SMYD3: variants seen among roughly 807,000 people sequenced by gnomAD.
SMYD3 encodes the protein histone-lysine N-methyltransferase SMYD3.
Under a neutral mutation model 57.7 loss-of-function variants are expected in SMYD3, and 36 were observed. The observed-to-expected ratio is 0.62, with a 90% CI of 0.48 to 0.82. SMYD3 has a LOEUF of 0.82. Among genes scored for constraint, SMYD3 ranks in the 40% least tolerant of loss-of-function variants. The pLI is 0.00. For missense variants in SMYD3, 515 were observed against 538.8 expected (o/e 0.96, Z 0.44); for synonymous variants, 211 against 195.0 (o/e 1.08, Z -0.68).
At chr1:246,377,169 AAT>A (rs1491396834) in intron 1 of SMYD3, among the ~76,000 whole-genome samples, 50 of 107,522 alleles carry the variant, frequency 4.7e-4, no homozygotes, top group Non-Finnish European at 9.1e-4. Context: ...TTTAATAAAA[AAT>A]AACTAAATTT....
intron 5 of SMYD3, among the ~76,000 whole-genome samples, chr1:246,118,906 A>T (rs1028283790): frequency 7.1e-6 from 1 of 140,368 alleles, no homozygotes; most frequent in African/African-American, 2.5e-5. Context: ...CAGGACCTTA[A>T]GGATGAAAGT....
At chr1:246,301,027 G>A (rs1172086025) in intron 5 of SMYD3, among the ~76,000 whole-genome samples, 1 of 152,108 alleles carries the variant, frequency 6.6e-6, no homozygotes, top group African/African-American at 2.4e-5. Context: ...GCTTTGTAGA[G>A]ATAGAAGTCG....
At chr1:245,943,172 C>CA (rs61600738) in intron 5 of SMYD3, among the ~76,000 whole-genome samples, 59,794 of 108,820 alleles carry the variant, frequency 0.55, 19,823 homozygotes, top group Non-Finnish European at 0.74. Flanking sequence ...ACACACTTTC[C>CA]AAAAAAAAAA....
At chr1:246,150,476 C>T (rs546053022) in intron 5 of SMYD3, among the ~76,000 whole-genome samples, 30 of 152,304 alleles carry the variant, frequency 2.0e-4, no homozygotes, top group Middle Eastern at 3.4e-3. Flanking sequence ...ATTCTGTAAT[C>T]AGGCCTAGTA....
intron 10 of SMYD3, among the ~76,000 whole-genome samples, chr1:245,844,926 A>C (rs1424878506): frequency 1.3e-5 from 2 of 152,190 alleles, no homozygotes; most frequent in Non-Finnish European, 2.9e-5. Flanking sequence ...AATTAATGTT[A>C]TTGGAAAAAC....
chr1:245,957,407 T>A lies in SMYD3; in HGVS notation c.532-27470A>T, dbSNP rs546041863. On this transcript the variant is annotated intron_variant, in intron 5 of 11. Coordinates refer to ENST00000490107, the MANE Select transcript of SMYD3 (RefSeq NM_001167740.2). ...TACTACACTCACTTCCACTGTAACA[T>A]TTCTTTCTCCTCTCTTAGAAAAGAT... is the stretch of plus-strand genomic sequence containing the variant. Among the ~76,000 whole-genome samples, 11 of 152,330 alleles carry A rather than the reference T, an allele frequency of 7.2e-5. No individual in the cohort carries two copies. In the South Asian group the frequency reaches 2.3e-3, roughly 32 times the overall value.
At chr1:246,037,000 AT>A (rs2059787917) in intron 5 of SMYD3, among the ~76,000 whole-genome samples, 1 of 152,172 alleles carries the variant, frequency 6.6e-6, no homozygotes, top group Admixed American at 6.5e-5. Flanking sequence ...GCTTCAGAGA[AT>A]TCCCTTGAAT....
chr1:245,923,572 G>T (rs2056146326), intron 7 of SMYD3, among the ~76,000 whole-genome samples: 1 of 152,070 alleles, frequency 6.6e-6, no homozygotes, highest in Admixed American at 6.6e-5. Flanking sequence ...TCACCATTCT[G>T]TCCCTGGCCT....
intron 10 of SMYD3, among the ~76,000 whole-genome samples, chr1:245,810,480 G>C (rs558684530): frequency 1.3e-5 from 2 of 152,300 alleles, no homozygotes; most frequent in African/African-American, 4.8e-5. Context: ...ACTGTGGTCT[G>C]TGAGTAGTCA....
At chr1:246,261,028 A>G (rs1304269116) in intron 5 of SMYD3, among the ~76,000 whole-genome samples, 3 of 149,088 alleles carry the variant, frequency 2.0e-5, no homozygotes, top group Non-Finnish European at 1.5e-5. Context: ...GCTGGAAGTC[A>G]TCTCTTTCTG....
rs137998075 is a variant in SMYD3, at chr1:245,902,193, C to T, written c.813+13337G>A. Among the ~76,000 whole-genome samples, 709 of 152,298 alleles carry T rather than the reference C, an allele frequency of 4.7e-3. 1 individual carries two copies. The highest frequency in any genetic ancestry group is 8.3e-3 in the Admixed American group (127 of 15,304). ...GTGGTACAGCCAGATATCCAGTACT[C>T]TAGCCCACACTGTGTCCTATACCCT... On this transcript the variant is annotated intron_variant, in intron 8 of 11. Transcript: ENST00000490107.
chr1:246,418,596 G>T (rs2067097642), intron 1 of SMYD3, among the ~76,000 whole-genome samples: 1 of 152,218 alleles, frequency 6.6e-6, no homozygotes, highest in Non-Finnish European at 1.5e-5. Context: ...TGAACTGGAA[G>T]AATCAGATCA....
At chr1:246,045,532 G>C (rs78158665) in intron 5 of SMYD3, among the ~76,000 whole-genome samples, 9,935 of 151,960 alleles carry the variant, frequency 0.065, 368 homozygotes, top group African/African-American at 0.08. Context: ...AAAAACCCTA[G>C]AAGAAAACCC....
chr1:246,444,570 AT>A (rs1295131309), intron 1 of SMYD3, among the ~76,000 whole-genome samples: 1 of 152,240 alleles, frequency 6.6e-6, no homozygotes, highest in African/African-American at 2.4e-5. Flanking sequence ...CAATTTGTGA[AT>A]GGAGAGGTAG....
rs557675093 is a variant in SMYD3, at chr1:246,114,488, C to T, written c.532-184551G>A. ...TCCTGTTCCCAAATACCTTGCTCTG[C>T]ATATACCCCAGCAGCACAATCCTCT... On this transcript the variant is annotated intron_variant, in intron 5 of 11. Coordinates refer to ENST00000490107, the MANE Select transcript of SMYD3 (RefSeq NM_001167740.2). Among the ~76,000 whole-genome samples, 4 of 152,318 alleles carry T rather than the reference C, an allele frequency of 2.6e-5. No homozygotes were observed. The East Asian group carries it at 5.8e-4, about 22-fold the overall frequency.
chr1:245,861,481 CACTT>C (rs1181928605), intron 9 of SMYD3, among the ~76,000 whole-genome samples: 2 of 152,188 alleles, frequency 1.3e-5, no homozygotes, highest in East Asian at 1.9e-4. Flanking sequence ...AGCTTTTATT[CACTT>C]AATCATATTA....
chr1:245,829,655 A>G (rs1374694607), intron 10 of SMYD3, among the ~76,000 whole-genome samples: 1 of 152,200 alleles, frequency 6.6e-6, no homozygotes, highest in Non-Finnish European at 1.5e-5. Context: ...ACTTGAAAAA[A>G]ATTAAAATAT....
At chr1:245,960,982 A>C (rs372902312) in intron 5 of SMYD3, among the ~76,000 whole-genome samples, 1 of 152,320 alleles carries the variant, frequency 6.6e-6, no homozygotes, top group African/African-American at 2.4e-5. Flanking sequence ...AAATGGCAAC[A>C]TTTAAAAAAA....
chr1:246,361,962 A>ACCTATTTTT (rs2065995048), intron 1 of SMYD3, among the ~76,000 whole-genome samples: 3 of 152,212 alleles, frequency 2.0e-5, no homozygotes, highest in Admixed American at 2.0e-4. Flanking sequence ...AAGAAAAAGA[A>ACCTATTTTT]TCTCAGAGAA....
Sources: gnomAD v4.1 joint callset for allele counts (sites outside exome capture counted in the v4.1 genomes callset) on GRCh38, gnomAD v4.1.1 for gene constraint, MANE v1.5 for transcripts, NCBI Gene and HGNC (gene_info 2026-07-23, HGNC 2026-07-21) for gene names.